SGCZ: variants seen among roughly 807,000 people sequenced by gnomAD.
SGCZ encodes the protein zeta-sarcoglycan.
SGCZ carries 40 observed loss-of-function variants against 41.3 expected under a neutral mutation model. That is an observed-to-expected ratio of 0.97 (90% CI 0.75 to 1.26). The LOEUF (loss-of-function observed/expected upper bound fraction) is 1.26, where lower values mean the gene tolerates loss of function less well. SGCZ is among the 50% of genes most tolerant of loss of function. SGCZ has a pLI of 0.00. For missense variants in SGCZ, 552 were observed against 369.8 expected, an observed-to-expected ratio of 1.49 and a Z score of -4.04; for synonymous variants, 206 against 137.5, an observed-to-expected ratio of 1.50 and a Z score of -3.49.
At chr8:14,964,064 A>G (rs1801054532) in intron 1 of SGCZ, among the ~76,000 whole-genome samples, 1 of 152,224 alleles carries the variant, frequency 6.6e-6, no homozygotes, top group South Asian at 2.1e-4. Context: ...TGATCTTATA[A>G]GCCATGCACT....
At chr8:15,092,684 T>A (rs182835344) in intron 1 of SGCZ, among the ~76,000 whole-genome samples, 2 of 152,216 alleles carry the variant, frequency 1.3e-5, no homozygotes, top group Non-Finnish European at 2.9e-5. Context: ...TAAAATTCCA[T>A]ACTTCAAAAG....
chr8:14,387,168 C>A (rs985109745), intron 2 of SGCZ, among the ~76,000 whole-genome samples: 1 of 152,168 alleles, frequency 6.6e-6, no homozygotes, highest in Non-Finnish European at 1.5e-5. Context: ...CTGCCTCAGC[C>A]TCCTGAGTAG....
At chr8:14,342,199 G>T (rs1802734656) in intron 2 of SGCZ, among the ~76,000 whole-genome samples, 1 of 152,188 alleles carries the variant, frequency 6.6e-6, no homozygotes. Flanking sequence ...GGGAACTGGA[G>T]CAAAGCTGAC....
chr8:14,232,001 A>G (rs1481573232), intron 4 of SGCZ, among the ~76,000 whole-genome samples: 1 of 152,036 alleles, frequency 6.6e-6, no homozygotes, highest in African/African-American at 2.4e-5. Flanking sequence ...TAGTTTTAAA[A>G]AGGAAGTTAT....
At chr8:14,720,806 G>C (rs1809859278) in intron 1 of SGCZ, among the ~76,000 whole-genome samples, 1 of 152,048 alleles carries the variant, frequency 6.6e-6, no homozygotes, top group African/African-American at 2.4e-5. Flanking sequence ...CTGCTTTATA[G>C]CCAAACATCT....
chr8:14,754,498 T>A (rs552740374), intron 1 of SGCZ, among the ~76,000 whole-genome samples: 31 of 152,336 alleles, frequency 2.0e-4, no homozygotes, highest in African/African-American at 7.2e-4. Context: ...CTCTGCCCAT[T>A]ACATTTAAGC....
chr8:14,734,279 G>A (rs1798961780), intron 1 of SGCZ, among the ~76,000 whole-genome samples: 1 of 152,120 alleles, frequency 6.6e-6, no homozygotes, highest in Non-Finnish European at 1.5e-5. Context: ...ATGGTAGGAA[G>A]AGAAAATAAG....
At chr8:15,142,766 C>T (rs567066970) in intron 1 of SGCZ, among the ~76,000 whole-genome samples, 71 of 151,902 alleles carry the variant, frequency 4.7e-4, no homozygotes, top group Middle Eastern at 3.4e-3. Flanking sequence ...CACACATCAC[C>T]GCACCCAGCT....
At chr8:14,357,955 G>C (rs545964094) in intron 2 of SGCZ, among the ~76,000 whole-genome samples, 1 of 152,140 alleles carries the variant, frequency 6.6e-6, no homozygotes, top group Non-Finnish European at 1.5e-5. Flanking sequence ...GAGCACAGAA[G>C]AAAATAACCA....
At chr8:14,691,988 A>ATAGT (rs1480267527) in intron 1 of SGCZ, among the ~76,000 whole-genome samples, 2 of 151,972 alleles carry the variant, frequency 1.3e-5, no homozygotes, top group Non-Finnish European at 2.9e-5. Flanking sequence ...TATTAGTAGG[A>ATAGT]TAGTTCACTT....
At chr8:14,625,297 A>C (rs1379455464) in intron 1 of SGCZ, among the ~76,000 whole-genome samples, 23 of 152,098 alleles carry the variant, frequency 1.5e-4, no homozygotes. Context: ...CTTTCCATGG[A>C]TCATCTAGTG....
At chr8:14,836,767 G>A (rs1661908453) in intron 1 of SGCZ, among the ~76,000 whole-genome samples, 1 of 152,124 alleles carries the variant, frequency 6.6e-6, no homozygotes, top group Admixed American at 6.6e-5. Context: ...TTCCCAAAGT[G>A]CTCAGATTAC....
chr8:14,784,701 C>A (rs1563267061), intron 1 of SGCZ, among the ~76,000 whole-genome samples: 2 of 151,112 alleles, frequency 1.3e-5, no homozygotes, highest in Non-Finnish European at 2.9e-5. Context: ...TCAAGACCAG[C>A]CTGACTAACG....
chr8:14,219,295 T>C (rs1029611247), intron 4 of SGCZ, among the ~76,000 whole-genome samples: 8 of 152,124 alleles, frequency 5.3e-5, no homozygotes, highest in African/African-American at 1.9e-4. Context: ...TACTACGGCT[T>C]TTTCAATCCC....
At chr8:15,047,829 C>G (rs1287191086) in intron 1 of SGCZ, among the ~76,000 whole-genome samples, 1 of 151,882 alleles carries the variant, frequency 6.6e-6, no homozygotes, top group East Asian at 1.9e-4. Context: ...AAAAAGACAA[C>G]AAACAACAGA....
intron 3 of SGCZ, among the ~76,000 whole-genome samples, chr8:14,255,945 C>T (rs986898172): frequency 2.6e-5 from 4 of 152,010 alleles, no homozygotes; most frequent in Non-Finnish European, 5.9e-5. Flanking sequence ...TAATCAGAAA[C>T]CAACAAAACT....
At chr8:15,196,435 C>A (rs1444953770) in intron 1 of SGCZ, among the ~76,000 whole-genome samples, 1 of 152,082 alleles carries the variant, frequency 6.6e-6, no homozygotes, top group African/African-American at 2.4e-5. Context: ...TGCATGAAAG[C>A]TAGAATACAT....
intron 1 of SGCZ, among the ~76,000 whole-genome samples, chr8:15,021,215 T>C (rs4582565): frequency 0.91 from 139,251 of 152,296 alleles, 63,688 homozygotes; most frequent in Non-Finnish European, 0.93. Flanking sequence ...CAATTCCATG[T>C]ATCATAGGAT....
At chr8:14,885,834 A>G (rs1335465403) in intron 1 of SGCZ, among the ~76,000 whole-genome samples, 10 of 151,784 alleles carry the variant, frequency 6.6e-5, no homozygotes, top group Admixed American at 5.3e-4. Flanking sequence ...TGATTATAAA[A>G]AGAAGTGCAA....
Sources: gnomAD v4.1 joint callset for allele counts (sites outside exome capture counted in the v4.1 genomes callset) on GRCh38, gnomAD v4.1.1 for gene constraint, MANE v1.5 for transcripts, NCBI Gene and HGNC (gene_info 2026-07-23, HGNC 2026-07-21) for gene names.